Variants in HS6ST3 observed in about 807,000 individuals in gnomAD.
HS6ST3 encodes the protein heparan-sulfate 6-O-sulfotransferase 3.
In HS6ST3, 12 loss-of-function variants were observed where a neutral mutation model predicts 36.7. That is an observed-to-expected ratio of 0.33 (90% CI 0.21 to 0.53). The LOEUF (loss-of-function observed/expected upper bound fraction) is 0.53. Ranked by LOEUF, HS6ST3 falls within the 20% of genes least tolerant of loss-of-function variation. The probability of loss-of-function intolerance (pLI) is 0.95; values close to 1 mark genes in which losing one functional copy is unlikely to be tolerated. For missense variants in HS6ST3, 584 were observed against 640.9 expected, an observed-to-expected ratio of 0.91 and a Z score of 0.96; for synonymous variants, 240 against 257.5, an observed-to-expected ratio of 0.93 and a Z score of 0.65.
chr13:96,716,751 T>C (rs940042564), intron 1 of HS6ST3, among the ~76,000 whole-genome samples: 1 of 152,234 alleles, frequency 6.6e-6, no homozygotes, highest in African/African-American at 2.4e-5. Context: ...GTTTTATTTC[T>C]GTTCTTGTTC....
At chr13:96,217,025 G>T (rs894669812) in intron 1 of HS6ST3, among the ~76,000 whole-genome samples, 1 of 152,012 alleles carries the variant, frequency 6.6e-6, no homozygotes, top group African/African-American at 2.4e-5. Flanking sequence ...TCTGTGTTCC[G>T]CCTGCACCCC....
chr13:96,601,891 T>C (rs2056422999), intron 1 of HS6ST3, among the ~76,000 whole-genome samples: 1 of 152,182 alleles, frequency 6.6e-6, no homozygotes, highest in African/African-American at 2.4e-5. Context: ...GTTCGTTGTT[T>C]ATGGAGAATC....
chr13:96,110,956 A>C (rs543042489), intron 1 of HS6ST3, among the ~76,000 whole-genome samples: 1 of 152,234 alleles, frequency 6.6e-6, no homozygotes, highest in South Asian at 2.1e-4. Context: ...TTCTTCCCCC[A>C]TTTGTGTCCT....
chr13:96,533,297 CCACATTTATTTACT>C (rs2056142912), intron 1 of HS6ST3, among the ~76,000 whole-genome samples: 1 of 152,144 alleles, frequency 6.6e-6, no homozygotes, highest in African/African-American at 2.4e-5. Context: ...GTCAAGCCCT[CCACATTTATTTACT>C]TAAAAACAAG....
chr13:96,699,297 A>G (rs907614355), intron 1 of HS6ST3, among the ~76,000 whole-genome samples: 2 of 152,188 alleles, frequency 1.3e-5, no homozygotes, highest in African/African-American at 4.8e-5. Context: ...AGAAACTACC[A>G]TCAGAATTCA....
chr13:96,804,228 T>C (rs141873854), intron 1 of HS6ST3, among the ~76,000 whole-genome samples: 108 of 151,608 alleles, frequency 7.1e-4, no homozygotes, highest in East Asian at 1.6e-3. Context: ...GTGGTAGTGA[T>C]GGAAGGATGT....
intron 1 of HS6ST3, among the ~76,000 whole-genome samples, chr13:96,379,425 T>C (rs1422866286): frequency 1.3e-5 from 2 of 152,222 alleles, no homozygotes; most frequent in Non-Finnish European, 2.9e-5. Flanking sequence ...AGGTGCCATC[T>C]ATGAACCAGG....
intron 1 of HS6ST3, among the ~76,000 whole-genome samples, chr13:96,311,902 C>T (rs1356004223): frequency 6.6e-6 from 1 of 151,992 alleles, no homozygotes; most frequent in Admixed American, 6.6e-5. Flanking sequence ...TTGTTTAAGC[C>T]TCTAAATAAA....
At chr13:96,198,006 G>A (rs376108271) in intron 1 of HS6ST3, among the ~76,000 whole-genome samples, 1 of 152,182 alleles carries the variant, frequency 6.6e-6, no homozygotes, top group African/African-American at 2.4e-5. Context: ...ACTTTTGCCT[G>A]GGCATCCAGG....
chr13:96,269,443 C>T (rs762968455), intron 1 of HS6ST3, among the ~76,000 whole-genome samples: 3 of 151,936 alleles, frequency 2.0e-5, no homozygotes, highest in African/African-American at 4.8e-5. Flanking sequence ...CCGCTTTGTG[C>T]GTACTACAAC....
intron 1 of HS6ST3, among the ~76,000 whole-genome samples, chr13:96,770,904 A>G (rs577742414): frequency 4.3e-4 from 66 of 152,336 alleles, no homozygotes; most frequent in African/African-American, 1.5e-3. Flanking sequence ...CATTGGCACA[A>G]TGGCTTTCTT....
intron 1 of HS6ST3, among the ~76,000 whole-genome samples, chr13:96,391,483 G>T (rs1298109178): frequency 6.6e-6 from 1 of 152,144 alleles, no homozygotes; most frequent in Non-Finnish European, 1.5e-5. Context: ...CAGACACTTT[G>T]CCTTCTTGCT....
Position 96,839,388 on chromosome 13 carries a change from T to C in HS6ST3, c.*6190T>C, listed in dbSNP as rs542015899. 6.6e-5 allele frequency: 10 copies of C among 152,344 alleles called. No homozygotes were observed. The highest frequency in any genetic ancestry group is 2.4e-4 in the African/African-American group (10 of 41,580). The allele number at this position is 152,344 out of a possible 1,614,324, so 9.4% of individuals were successfully genotyped here. ...TTATTTCTCTTAAGAGATATTTCCT[T>C]TTATTTCTGTACAATAATATGTATG... On this transcript the variant is annotated 3_prime_UTR_variant, in exon 2 of 2. Coordinates refer to ENST00000376705, the MANE Select transcript of HS6ST3 (RefSeq NM_153456.4).
chr13:96,408,122 T>C (rs112975547), intron 1 of HS6ST3, among the ~76,000 whole-genome samples: 1,987 of 152,248 alleles, frequency 0.013, 49 homozygotes, highest in African/African-American at 0.045. Context: ...GCATTTTTAG[T>C]AGAGATGGGG....
At chr13:96,235,653 C>T (rs1448460210) in intron 1 of HS6ST3, among the ~76,000 whole-genome samples, 6 of 152,052 alleles carry the variant, frequency 3.9e-5, no homozygotes, top group Non-Finnish European at 5.9e-5. Context: ...CTCCCCCAAC[C>T]ACCATTCAAA....
intron 1 of HS6ST3, among the ~76,000 whole-genome samples, chr13:96,194,111 C>T (rs987447614): frequency 1.3e-5 from 2 of 152,186 alleles, no homozygotes; most frequent in African/African-American, 4.8e-5. Flanking sequence ...CCTGCCCATT[C>T]TCAAAGCCCT....
At chr13:96,545,313 A>G (rs1268288808) in intron 1 of HS6ST3, among the ~76,000 whole-genome samples, 1 of 152,210 alleles carries the variant, frequency 6.6e-6, no homozygotes, top group African/African-American at 2.4e-5. Flanking sequence ...AACCATTGTG[A>G]GCAGACTTTT....
intron 1 of HS6ST3, among the ~76,000 whole-genome samples, chr13:96,813,280 T>G (rs1878357265): frequency 6.6e-6 from 1 of 152,198 alleles, no homozygotes; most frequent in African/African-American, 2.4e-5. Context: ...TATTCAATTT[T>G]AGGAGAATCT....
chr13:96,778,457 T>G (rs1877446630), intron 1 of HS6ST3, among the ~76,000 whole-genome samples: 2 of 152,030 alleles, frequency 1.3e-5, no homozygotes, highest in African/African-American at 4.8e-5. Context: ...GAATCTACAA[T>G]GAACTTAAAC....
Sources: allele counts gnomAD v4.1 joint callset (sites outside exome capture counted in the v4.1 genomes callset), GRCh38; gene constraint gnomAD v4.1.1; transcripts MANE v1.5; gene names NCBI Gene and HGNC (gene_info 2026-07-23, HGNC 2026-07-21).